ABTB2: variants seen among roughly 807,000 people sequenced by gnomAD.
ABTB2 encodes ankyrin repeat and BTB/POZ domain-containing protein 2.
A neutral mutation model predicts 104.1 loss-of-function variants in ABTB2; 56 were observed. The ratio of observed to expected loss-of-function variants is 0.54; its 90% confidence interval spans 0.43 to 0.67. The LOEUF (loss-of-function observed/expected upper bound fraction) is 0.67, where lower values mean the gene tolerates loss of function less well. Ranked by LOEUF, ABTB2 falls within the 30% of genes least tolerant of loss-of-function variation. ABTB2 has a pLI of 0.00. For missense variants in ABTB2, 1,279 were observed against 1,407.7 expected (o/e 0.91, Z 1.46); for synonymous variants, 606 against 608.2 (o/e 1.00, Z 0.05).
intron 2 of ABTB2, among the ~76,000 whole-genome samples, chr11:34,202,519 A>C (rs1243966322): frequency 6.6e-6 from 1 of 152,166 alleles, no homozygotes; most frequent in African/African-American, 2.4e-5. Context: ...CGAGCAGATG[A>C]GTGACACAAC....
At chr11:34,222,499 G>C (rs891173862) in intron 1 of ABTB2, among the ~76,000 whole-genome samples, 6 of 152,140 alleles carry the variant, frequency 3.9e-5, no homozygotes, top group African/African-American at 1.4e-4. Context: ...CCGAGTGGGA[G>C]GTGAGGAGCC....
At chr11:34,165,816 TCA>T (rs1214278068) in intron 7 of ABTB2, among the ~76,000 whole-genome samples, 1 of 152,234 alleles carries the variant, frequency 6.6e-6, no homozygotes, top group Admixed American at 6.5e-5. Context: ...TCCCAGAGCC[TCA>T]GTCTTCCTCA....
At chr11:34,305,132 G>A (rs1854755305) in intron 1 of ABTB2, among the ~76,000 whole-genome samples, 1 of 152,180 alleles carries the variant, frequency 6.6e-6, no homozygotes, top group Admixed American at 6.5e-5. Context: ...GGCTCTGAAT[G>A]AAGACCCCAC....
intron 10 of ABTB2, 58 bp from the exon 11 acceptor site, chr11:34,161,139 A>G (rs1476739177): frequency 1.3e-6 from 2 of 1,488,330 alleles, no homozygotes; most frequent in Non-Finnish European, 1.8e-6. Flanking sequence ...CTCCCGGCAC[A>G]GACCACAGCC....
chr11:34,322,266 A>C (rs1469066107), intron 1 of ABTB2, among the ~76,000 whole-genome samples: 2 of 152,194 alleles, frequency 1.3e-5, no homozygotes, highest in Admixed American at 1.3e-4. Context: ...TATATTTTTG[A>C]GGCAAGCAGG....
intron 1 of ABTB2, among the ~76,000 whole-genome samples, chr11:34,283,075 A>ATT (rs34343413): frequency 4.3e-4 from 60 of 139,156 alleles, no homozygotes; most frequent in African/African-American, 1.5e-3. Context: ...TGCCCAGCTA[A>ATT]TTTTTTTTTT....
In ABTB2 at chr11:34,318,963, T is replaced by G. The variant is rs145215826; in HGVS notation, c.883+37738A>C. On this transcript the variant is annotated intron_variant, in intron 1 of 16. Coordinates refer to ENST00000435224, the MANE Select transcript of ABTB2 (RefSeq NM_145804.3). ...GCCTTTCAAAGGAACTGCCCAGTTATTAGCCTGAGTCAGCTGTAATGTCAA... is the reference window on the plus strand; with the variant it reads ...GCCTTTCAAAGGAACTGCCCAGTTAGTAGCCTGAGTCAGCTGTAATGTCAA... Among the ~76,000 whole-genome samples, 203 of 152,352 alleles carry G rather than the reference T, an allele frequency of 1.3e-3. 1 individual carries two copies. Among genetic ancestry groups the G allele is most frequent in the African/African-American group, 4.7e-3 (196 of 41,588 alleles).
intron 1 of ABTB2, among the ~76,000 whole-genome samples, chr11:34,260,179 C>A (rs1228721813): frequency 6.6e-6 from 1 of 152,166 alleles, no homozygotes; most frequent in African/African-American, 2.4e-5. Flanking sequence ...GGGTGCCCTG[C>A]CTAAGTACAA....
chr11:34,189,259 C>T (rs1182232356), intron 3 of ABTB2: 1 of 152,102 alleles, frequency 6.6e-6, no homozygotes, highest in African/African-American at 2.4e-5. Flanking sequence ...CCCACTGTTT[C>T]ACTTGACTAG....
chr11:34,165,731 C>T (rs935267596), intron 7 of ABTB2, among the ~76,000 whole-genome samples: 2 of 152,196 alleles, frequency 1.3e-5, no homozygotes, highest in African/African-American at 4.8e-5. Flanking sequence ...GGTGGCAGCA[C>T]GTGTTGGAGT....
chr11:34,323,346 T>C (rs968092017), intron 1 of ABTB2, among the ~76,000 whole-genome samples: 2 of 152,206 alleles, frequency 1.3e-5, no homozygotes, highest in Non-Finnish European at 2.9e-5. Context: ...AACAGTTCAA[T>C]CTATGTGATG....
chr11:34,195,803 T>C lies in ABTB2; in HGVS notation c.1244+1522A>G, dbSNP rs188318239. Reference sequence around the variant, plus strand: ...TAGTAAACACTCAGTAAATCCACCTTAGTGCCTTTGTTTTCTGGGGCACTG... The same window carrying C: ...TAGTAAACACTCAGTAAATCCACCTCAGTGCCTTTGTTTTCTGGGGCACTG... On this transcript the variant is annotated intron_variant, in intron 3 of 16. Transcript: ENST00000435224. Among the ~76,000 whole-genome samples the C allele has an allele frequency of 7.2e-4, 109 of 152,340 alleles. 3 individuals carry two copies. In the East Asian group the frequency reaches 0.014, roughly 20 times the overall value.
chr11:34,338,575 G>A (rs1441016778), intron 1 of ABTB2, among the ~76,000 whole-genome samples: 1 of 151,806 alleles, frequency 6.6e-6, no homozygotes, highest in Non-Finnish European at 1.5e-5. Flanking sequence ...GCGTGGTGGG[G>A]TGCACCTGCA....
At chr11:34,182,488 T>C (rs865933521) in intron 3 of ABTB2, among the ~76,000 whole-genome samples, 1 of 93,968 alleles carries the variant, frequency 1.1e-5, no homozygotes, top group Non-Finnish European at 2.1e-5. Flanking sequence ...GGTGGGGCAT[T>C]GGGTTCTCTG....
intron 3 of ABTB2, among the ~76,000 whole-genome samples, chr11:34,176,893 C>A (rs1021317718): frequency 2.6e-5 from 4 of 152,234 alleles, no homozygotes; most frequent in African/African-American, 9.6e-5. Flanking sequence ...ATGAATTATC[C>A]CTCTGTTTAT....
At chr11:34,270,411 C>G (rs113570352) in intron 1 of ABTB2, among the ~76,000 whole-genome samples, 1 of 150,144 alleles carries the variant, frequency 6.7e-6, no homozygotes, top group Non-Finnish European at 1.5e-5. Context: ...ACGATCTCGG[C>G]TCGCTGCAAC....
At chr11:34,279,686 C>T (rs1419750108) in intron 1 of ABTB2, among the ~76,000 whole-genome samples, 10 of 151,888 alleles carry the variant, frequency 6.6e-5, no homozygotes, top group South Asian at 4.2e-4. Flanking sequence ...ACAAAAGGCC[C>T]GACACATAAA....
chr11:34,172,103 T>A (rs1432641518), intron 4 of ABTB2, among the ~76,000 whole-genome samples: 3 of 152,022 alleles, frequency 2.0e-5, no homozygotes. Flanking sequence ...CCAGGAGCAG[T>A]GGCTCACGCC....
intron 1 of ABTB2, among the ~76,000 whole-genome samples, chr11:34,319,469 A>T (rs2133110055): frequency 6.6e-6 from 1 of 152,288 alleles, no homozygotes; most frequent in East Asian, 1.9e-4. Flanking sequence ...GGTTTGGGAC[A>T]AAAAGGGAAC....
Sources: allele counts gnomAD v4.1 joint callset (sites outside exome capture counted in the v4.1 genomes callset), GRCh38; gene constraint gnomAD v4.1.1; transcripts MANE v1.5; gene names NCBI Gene and HGNC (gene_info 2026-07-23, HGNC 2026-07-21).